Variants in CNTNAP5 observed in about 807,000 individuals in gnomAD.
CNTNAP5 encodes the protein contactin-associated protein-like 5.
In CNTNAP5, 72 loss-of-function variants were observed where a neutral mutation model predicts 150.2. The observed-to-expected ratio is 0.48, with a 90% CI of 0.40 to 0.58. The LOEUF (loss-of-function observed/expected upper bound fraction) is 0.58. Ranked by LOEUF, CNTNAP5 falls within the 20% of genes least tolerant of loss-of-function variation. CNTNAP5 has a pLI of 0.00. For synonymous variants in CNTNAP5, 672 were observed against 619.8 expected (o/e 1.08, Z -1.25); for missense variants, 1,636 against 1,626.2 (o/e 1.01, Z -0.10).
At chr2:124,158,761 G>A (rs1298938194) in intron 1 of CNTNAP5, among the ~76,000 whole-genome samples, 2 of 152,098 alleles carry the variant, frequency 1.3e-5, no homozygotes, top group Non-Finnish European at 2.9e-5. Flanking sequence ...TGCCTTTCTA[G>A]GCATCAGATT....
intron 22 of CNTNAP5, among the ~76,000 whole-genome samples, chr2:124,906,224 A>C (rs1678534200): frequency 6.6e-6 from 1 of 152,276 alleles, no homozygotes; most frequent in South Asian, 2.1e-4. Flanking sequence ...AGTGGTTTGT[A>C]TATGGGTGAG....
chr2:124,124,748 G>T (rs1683646142), intron 1 of CNTNAP5, among the ~76,000 whole-genome samples: 1 of 152,160 alleles, frequency 6.6e-6, no homozygotes, highest in African/African-American at 2.4e-5. Flanking sequence ...AAGAGAGTGG[G>T]GGCCAATATT....
chr2:124,474,497 G>A (rs1693594054), intron 6 of CNTNAP5, among the ~76,000 whole-genome samples: 1 of 151,804 alleles, frequency 6.6e-6, no homozygotes, highest in Non-Finnish European at 1.5e-5. Flanking sequence ...GTATTAAAAA[G>A]GTTCAGAAAG....
chr2:124,649,597 G>A, intron 13 of CNTNAP5, among the ~76,000 whole-genome samples: 1 of 152,136 alleles, frequency 6.6e-6, no homozygotes, highest in East Asian at 1.9e-4. Flanking sequence ...CTGCCTCACT[G>A]TCCCTGGCCT....
intron 3 of CNTNAP5, among the ~76,000 whole-genome samples, chr2:124,364,045 C>T (rs1401879941): frequency 6.6e-6 from 1 of 152,102 alleles, no homozygotes. Context: ...TGATGGCTCT[C>T]CTCTACTCAG....
chr2:124,132,442 G>T lies in CNTNAP5; in HGVS notation c.83-89263G>T, dbSNP rs559586835. Among the ~76,000 whole-genome samples the T allele has an allele frequency of 2.0e-4, 31 of 152,200 alleles. No homozygotes were observed. The South Asian group carries it at 2.9e-3, about 14-fold the overall frequency. On this transcript the variant is annotated intron_variant, in intron 1 of 23. Transcript: ENST00000682447. ...TCCTATAAAATATGGTATTATGGTG[G>T]TTTCCATTAATCTGGTTGTATTATG...
intron 1 of CNTNAP5, among the ~76,000 whole-genome samples, chr2:124,117,180 A>C (rs1341791184): frequency 6.6e-6 from 1 of 152,218 alleles, no homozygotes; most frequent in Non-Finnish European, 1.5e-5. Context: ...AACCGAGCCA[A>C]GAATTTGCAT....
chr2:124,139,930 G>C (rs895832936), intron 1 of CNTNAP5, among the ~76,000 whole-genome samples: 1 of 152,230 alleles, frequency 6.6e-6, no homozygotes, highest in East Asian at 1.9e-4. Context: ...CAGTGTGTGC[G>C]CGCACCGTGC....
intron 3 of CNTNAP5, among the ~76,000 whole-genome samples, chr2:124,271,689 CT>C (rs1328427314): frequency 0.012 from 1,418 of 120,922 alleles, 23 homozygotes; most frequent in African/African-American, 0.038. Flanking sequence ...ATCTATCTAT[CT>C]ATCTATCTAT....
chr2:124,211,356 T>C lies in CNTNAP5; in HGVS notation c.83-10349T>C, dbSNP rs534107541. 2.2e-4 allele frequency among the ~76,000 whole-genome samples: 34 copies of C among 152,318 alleles called. No individual in the cohort carries two copies. The South Asian group carries it at 6.6e-3, about 30-fold the overall frequency. On this transcript the variant is annotated intron_variant, in intron 1 of 23. Coordinates refer to ENST00000682447, the MANE Select transcript of CNTNAP5 (RefSeq NM_001367498.1). ...ATTTTACATGAATTGTCACTTTTTG[T>C]TCTCACAACAAGCCTGTGTATAGTT... is the stretch of plus-strand genomic sequence containing the variant.
At chr2:124,704,304 T>A (rs904439964) in intron 13 of CNTNAP5, among the ~76,000 whole-genome samples, 5 of 152,148 alleles carry the variant, frequency 3.3e-5, no homozygotes, top group African/African-American at 1.2e-4. Context: ...GACAAGTAGA[T>A]CAGCCTTGAA....
chr2:124,434,538 A>T lies in CNTNAP5; in HGVS notation c.584A>T (p.Gln195Leu). The T allele has an allele frequency of 1.9e-6, 3 of 1,614,012 alleles. No homozygotes were observed. The highest frequency in any genetic ancestry group is 2.5e-6 in the Non-Finnish European group (3 of 1,179,854). Residue 195 changes from glutamine (Q) to leucine (L), a missense_variant, in exon 5 of 24, where the codon CAG (glutamine) becomes CTG (leucine). Transcript: ENST00000682447. Reference sequence around the variant, plus strand: ...AGCTCACTTCTGTACAGGTTCAATCAGAAGTTGATGAGTACTCTCAAAGAT... The same window carrying T: ...AGCTCACTTCTGTACAGGTTCAATCTGAAGTTGATGAGTACTCTCAAAGAT... ...GRSSLLYRFN[Q>L]KLMSTLKDVI...
At chr2:124,115,164 G>A (rs1683394216) in intron 1 of CNTNAP5, among the ~76,000 whole-genome samples, 1 of 151,752 alleles carries the variant, frequency 6.6e-6, no homozygotes, top group South Asian at 2.1e-4. Context: ...ATTTTTTAAG[G>A]ATGACATATA....
chr2:124,826,035 T>C (rs1486256690), intron 19 of CNTNAP5, among the ~76,000 whole-genome samples: 2 of 152,196 alleles, frequency 1.3e-5, no homozygotes, highest in African/African-American at 4.8e-5. Context: ...TTTAGTATGC[T>C]CTGTTTTTTA....
At chr2:124,708,357 C>G (rs1679737765) in intron 13 of CNTNAP5, among the ~76,000 whole-genome samples, 1 of 152,090 alleles carries the variant, frequency 6.6e-6, no homozygotes, top group Non-Finnish European at 1.5e-5. Flanking sequence ...CCAGTGGAAG[C>G]TAGAGTCAAT....
At chr2:124,799,201 A>T (rs1681913796) in intron 19 of CNTNAP5, among the ~76,000 whole-genome samples, 1 of 152,152 alleles carries the variant, frequency 6.6e-6, no homozygotes, top group African/African-American at 2.4e-5. Flanking sequence ...TGAGAATCAG[A>T]TTTTTGGAAA....
At chr2:124,589,847 A>G (rs552806727) in intron 11 of CNTNAP5, among the ~76,000 whole-genome samples, 3 of 152,306 alleles carry the variant, frequency 2.0e-5, no homozygotes, top group African/African-American at 7.2e-5. Flanking sequence ...TAGTTTCATC[A>G]TGAGGATTCC....
At chr2:124,530,224 C>A (rs1015254343) in intron 10 of CNTNAP5, among the ~76,000 whole-genome samples, 2 of 152,112 alleles carry the variant, frequency 1.3e-5, no homozygotes, top group Non-Finnish European at 2.9e-5. Context: ...ACAGAAGAAT[C>A]CCTTGAACCC....
At chr2:124,180,222 T>C (rs1196094375) in intron 1 of CNTNAP5, among the ~76,000 whole-genome samples, 1 of 152,118 alleles carries the variant, frequency 6.6e-6, no homozygotes, top group Non-Finnish European at 1.5e-5. Context: ...TCACAGAAAA[T>C]CAATTTCCTG....
Sources: gnomAD v4.1 joint callset for allele counts (sites outside exome capture counted in the v4.1 genomes callset) on GRCh38, gnomAD v4.1.1 for gene constraint, MANE v1.5 for transcripts, NCBI Gene and HGNC (gene_info 2026-07-23, HGNC 2026-07-21) for gene names.